The following LZTS2 variants were observed in gnomAD, a reference collection of about 807,000 sequenced individuals.
The protein encoded by LZTS2 is leucine zipper putative tumor suppressor 2.
A neutral mutation model predicts 60.6 loss-of-function variants in LZTS2; 32 were observed. That is an observed-to-expected ratio of 0.53 (90% CI 0.40 to 0.71). The LOEUF (loss-of-function observed/expected upper bound fraction) is 0.71. Among genes scored for constraint, LZTS2 ranks in the 30% least tolerant of loss-of-function variants. LZTS2 has a pLI of 0.00. For synonymous variants in LZTS2, 360 were observed against 393.1 expected, an observed-to-expected ratio of 0.92 and a Z score of 1.00; for missense variants, 792 against 901.9, an observed-to-expected ratio of 0.88 and a Z score of 1.56.
chr10:101,007,074 G>A, exon 4 of LZTS2: 2 of 1,608,184 alleles, frequency 1.2e-6, no homozygotes, highest in Middle Eastern at 1.7e-4. Context: ...CAGCAGCTCA[G>A]CCTGGAGCTG....
At chr10:101,002,710 C>G (rs367648336) in exon 1 of LZTS2, 1 of 1,611,306 alleles carries the variant, frequency 6.2e-7, no homozygotes, top group Non-Finnish European at 8.5e-7. Flanking sequence ...CTTCTTCCGC[C>G]AGCAGGATGG....
chr10:101,003,583 C>G (rs200273763), exon 2 of LZTS2: 1 of 1,579,058 alleles, frequency 6.3e-7, no homozygotes, highest in East Asian at 2.2e-5. Flanking sequence ...CCGTCCCTGC[C>G]TAGCTTCATG....
At chr10:100,997,728 C>G (rs1039800674), upstream of LZTS2, among the ~76,000 whole-genome samples, 1 of 152,252 alleles carries the variant, frequency 6.6e-6, no homozygotes, top group African/African-American at 2.4e-5. Flanking sequence ...GCCTGTGCCC[C>G]CAACCCAACC....
chr10:101,004,077 T>A, exon 2 of LZTS2: 1 of 1,613,298 alleles, frequency 6.2e-7, no homozygotes. Flanking sequence ...CCTGCTGCAC[T>A]GTGTCCTGGA....
intron 3 of LZTS2, 22 bp downstream of exon 4, chr10:101,005,737 A>C (rs752432349): frequency 1.3e-5 from 20 of 1,532,228 alleles, no homozygotes; most frequent in African/African-American, 1.4e-5. Flanking sequence ...CAGGAGGGGC[A>C]GGGAGCAGGG....
upstream of LZTS2, chr10:100,997,292 T>G (rs1851936506): frequency 6.6e-6 from 1 of 152,188 alleles, no homozygotes; most frequent in Non-Finnish European, 1.5e-5. Context: ...TCCCCGCTCC[T>G]GAACGAACTT....
chr10:101,006,134 G>C (rs1185196684), intron 3 of LZTS2, among the ~76,000 whole-genome samples: 3 of 152,210 alleles, frequency 2.0e-5, no homozygotes, highest in Non-Finnish European at 4.4e-5. Flanking sequence ...GGTCACTGTA[G>C]TACCTCTCCA....
At chr10:101,000,252 G>A (rs998167719) in exon 1 of LZTS2, 5 of 152,398 alleles carry the variant, frequency 3.3e-5, no homozygotes, top group Admixed American at 3.3e-4. Context: ...CCACTAAAAG[G>A]GGGGTGCTCC....
chr10:100,997,677 G>A (rs1035549096), upstream of LZTS2, among the ~76,000 whole-genome samples: 2 of 152,346 alleles, frequency 1.3e-5, no homozygotes, highest in Middle Eastern at 3.4e-3. Context: ...AGACCAAGAC[G>A]TAAACAGACG....
At chr10:101,004,860 T>C (rs1394758268) in intron 2 of LZTS2, among the ~76,000 whole-genome samples, 1 of 152,176 alleles carries the variant, frequency 6.6e-6, no homozygotes, top group Non-Finnish European at 1.5e-5. Flanking sequence ...TAAAATTTTT[T>C]ATTATTTTTT....
exon 1 of LZTS2, chr10:101,002,643 C>T: frequency 3.7e-6 from 6 of 1,605,574 alleles, no homozygotes; most frequent in Non-Finnish European, 5.1e-6. Context: ...TTATCTCAGG[C>T]CGGCCCTGTC....
chr10:101,003,372 G>A (rs892564410), intron 1 of LZTS2, 135 bp from the exon 3 acceptor site: 6 of 846,344 alleles, frequency 7.1e-6, no homozygotes, highest in Non-Finnish European at 8.8e-6. Flanking sequence ...GACACTGGTG[G>A]CCACCTCCAC....
chr10:101,002,671 C>T (rs767715226), exon 1 of LZTS2: 6 of 1,609,166 alleles, frequency 3.7e-6, no homozygotes, highest in Non-Finnish European at 1.7e-6. Flanking sequence ...GCCAGCTCCT[C>T]CCCGCCACCA....
chr10:100,997,492 G>T (rs1200192145), upstream of LZTS2, among the ~76,000 whole-genome samples: 2 of 152,188 alleles, frequency 1.3e-5, no homozygotes, highest in Non-Finnish European at 2.9e-5. Context: ...GCGCCCAGTT[G>T]GCCACCCTTG....
intron 2 of LZTS2, among the ~76,000 whole-genome samples, chr10:101,004,512 C>T (rs1852127029): frequency 6.6e-6 from 1 of 152,100 alleles, no homozygotes; most frequent in Non-Finnish European, 1.5e-5. Flanking sequence ...CTGAGGTGGG[C>T]GGATCACTGG....
chr10:100,999,984 G>C (rs1396915053), exon 1 of LZTS2: 1 of 153,216 alleles, frequency 6.5e-6, no homozygotes, highest in Non-Finnish European at 1.5e-5. Flanking sequence ...AGGCGGCCTG[G>C]GGAGCCCCCA....
At chr10:101,007,556 C>A (rs1195142867) in exon 4 of LZTS2, 19 of 1,311,608 alleles carry the variant, frequency 1.4e-5, no homozygotes, top group Middle Eastern at 2.1e-4. Flanking sequence ...AGCCAGATGG[C>A]ACCAGCTGCT....
At chr10:101,006,403 C>A in intron 3 of LZTS2, 82 bp from the exon 5 acceptor site, 1 of 1,481,602 alleles carries the variant, frequency 6.7e-7, no homozygotes, top group Non-Finnish European at 9.0e-7. Flanking sequence ...TCTTCTCTCC[C>A]AAATGCCCAG....
At chr10:101,007,419 C>A in exon 4 of LZTS2, 1 of 1,439,338 alleles carries the variant, frequency 6.9e-7, no homozygotes, top group Non-Finnish European at 9.1e-7. Context: ...CCACTTCATT[C>A]CCCACCGCTG....
Sources: allele counts gnomAD v4.1 joint callset (sites outside exome capture counted in the v4.1 genomes callset), GRCh38; gene constraint gnomAD v4.1.1; transcripts MANE v1.5; gene names NCBI Gene and HGNC (gene_info 2026-07-23, HGNC 2026-07-21).